Variants in NREP observed in about 807,000 individuals in gnomAD.
NREP encodes the protein neuronal regeneration related protein.
In NREP, 5 loss-of-function variants were observed where a neutral mutation model predicts 8.6. The observed-to-expected ratio is 0.58, with a 90% confidence interval of 0.30 to 1.22. The LOEUF (loss-of-function observed/expected upper bound fraction) is 1.22, where lower values mean the gene tolerates loss of function less well. Ranked by LOEUF, NREP falls within the 50% of genes most tolerant of loss-of-function variation. The probability of loss-of-function intolerance (pLI) is 0.07; values close to 1 mark genes in which losing one functional copy is unlikely to be tolerated. For missense variants in NREP, 86 were observed against 82.5 expected (o/e 1.04, Z -0.17); for synonymous variants, 27 against 28.0 (o/e 0.96, Z 0.11).
chr5:111,817,804 C>CAAA (rs145517030), intron 2 of NREP, among the ~76,000 whole-genome samples: 570 of 56,334 alleles, frequency 0.01, 13 homozygotes, highest in African/African-American at 0.034. Context: ...GACTTCATCT[C>CAAA]AAAAAAAAAA....
intron 2 of NREP, among the ~76,000 whole-genome samples, chr5:111,941,993 A>G (rs747982645): frequency 6.6e-6 from 1 of 152,076 alleles, no homozygotes. Context: ...TAAATTCAGT[A>G]CAACATTTTG....
chr5:111,845,667 T>A (rs892921937), intron 2 of NREP, among the ~76,000 whole-genome samples: 1 of 152,166 alleles, frequency 6.6e-6, no homozygotes, highest in African/African-American at 2.4e-5. Context: ...ATTTAAATGT[T>A]GATAAGCTGT....
intron 2 of NREP, among the ~76,000 whole-genome samples, chr5:111,879,103 T>C (rs944364594): frequency 5.3e-5 from 8 of 152,174 alleles, no homozygotes; most frequent in African/African-American, 1.9e-4. Context: ...TGAAAGCTGG[T>C]TGTTTAAAGA....
intron 3 of NREP, chr5:111,734,856 T>C (rs1052470665): frequency 2.1e-6 from 1 of 466,684 alleles, no homozygotes; most frequent in African/African-American, 2.0e-5. Flanking sequence ...GGTAAGTAGT[T>C]GTTATTGTTT....
chr5:111,806,705 C>CT (rs1752152375), intron 2 of NREP, among the ~76,000 whole-genome samples: 1 of 151,372 alleles, frequency 6.6e-6, no homozygotes, highest in Non-Finnish European at 1.5e-5. Flanking sequence ...TGGTGCCAAT[C>CT]TAAGTTTCTT....
intron 2 of NREP, among the ~76,000 whole-genome samples, chr5:111,891,139 A>G (rs958513329): frequency 6.6e-6 from 1 of 152,202 alleles, no homozygotes; most frequent in Non-Finnish European, 1.5e-5. Context: ...CAGTCGTGCC[A>G]TGTCTAGAAC....
intron 2 of NREP, among the ~76,000 whole-genome samples, chr5:111,831,722 TC>T (rs1752772509): frequency 6.6e-6 from 1 of 152,176 alleles, no homozygotes; most frequent in South Asian, 2.1e-4. Context: ...ATTATCCAGA[TC>T]TGTTTTAAAA....
chr5:111,880,345 C>A (rs1280298815), intron 2 of NREP, among the ~76,000 whole-genome samples: 1 of 152,210 alleles, frequency 6.6e-6, no homozygotes, highest in Admixed American at 6.5e-5. Flanking sequence ...AGAAATACCA[C>A]AGACGAGGTG....
chr5:111,960,025 A>G (rs1561369426), intron 2 of NREP, among the ~76,000 whole-genome samples: 1 of 152,130 alleles, frequency 6.6e-6, no homozygotes, highest in Admixed American at 6.5e-5. Context: ...TACTAGCCCA[A>G]ATGAAGAAAT....
At chr5:111,950,690 A>C in intron 2 of NREP, among the ~76,000 whole-genome samples, 1 of 145,854 alleles carries the variant, frequency 6.9e-6, no homozygotes, top group Admixed American at 6.6e-5. Flanking sequence ...GACTTAAACA[A>C]ATTTACAAGA....
At chr5:111,831,454 C>T (rs1350548771) in intron 2 of NREP, among the ~76,000 whole-genome samples, 1 of 152,160 alleles carries the variant, frequency 6.6e-6, no homozygotes, top group Non-Finnish European at 1.5e-5. Context: ...AAAAGCCACT[C>T]AACAATGGGC....
In NREP at chr5:111,730,896, T is replaced by C; in HGVS notation, c.*25A>G. Reference sequence around the variant, plus strand: ...ACCTCATCAATACCCATACACCATATGTAATACAAATGGAGGTGTTACGAT... The same window carrying C: ...ACCTCATCAATACCCATACACCATACGTAATACAAATGGAGGTGTTACGAT... On this transcript the variant is annotated 3_prime_UTR_variant, in exon 4 of 4. Coordinates refer to ENST00000257435, the MANE Select transcript of NREP (RefSeq NM_004772.4). 3 of 1,613,462 alleles carry C rather than the reference T, an allele frequency of 1.9e-6. No homozygotes were observed. The highest frequency in any genetic ancestry group is 1.1e-5 in the South Asian group (1 of 91,066).
At chr5:111,757,896 C>A, upstream of NREP, 1 of 985,108 alleles carries the variant, frequency 1.0e-6, no homozygotes, top group East Asian at 1.1e-4. Flanking sequence ...CCCGGCGGCC[C>A]GCCAGGGCCG....
At chr5:111,946,089 CACACACACACACAT>C (rs935843485) in intron 2 of NREP, among the ~76,000 whole-genome samples, 3 of 126,434 alleles carry the variant, frequency 2.4e-5, no homozygotes, top group Admixed American at 1.7e-4. Flanking sequence ...CACACACACA[CACACACACACACAT>C]AAGAAAATAA....
intron 2 of NREP, among the ~76,000 whole-genome samples, chr5:111,785,060 T>C (rs1487383852): frequency 6.6e-6 from 1 of 152,126 alleles, no homozygotes; most frequent in Non-Finnish European, 1.5e-5. Context: ...AAGATGTGTA[T>C]GAACTGCAGC....
intron 2 of NREP, among the ~76,000 whole-genome samples, chr5:111,857,723 T>C (rs1753456514): frequency 6.6e-6 from 1 of 152,194 alleles, no homozygotes; most frequent in Admixed American, 6.5e-5. Context: ...TGTTCACTGC[T>C]AGATCCCTAG....
intron 1 of NREP, among the ~76,000 whole-genome samples, chr5:111,756,825 A>C (rs2112855070): frequency 6.6e-6 from 1 of 152,354 alleles, no homozygotes; most frequent in East Asian, 1.9e-4. Context: ...AGTTTCTAAC[A>C]AGGCTTTAGG....
chr5:111,884,499 A>C (rs1250508398), intron 2 of NREP, among the ~76,000 whole-genome samples: 1 of 152,184 alleles, frequency 6.6e-6, no homozygotes, highest in African/African-American at 2.4e-5. Context: ...CCTGATACCA[A>C]AGCCAGGCAG....
chr5:111,764,231 T>C (rs964218580), intron 2 of NREP, among the ~76,000 whole-genome samples: 1 of 152,136 alleles, frequency 6.6e-6, no homozygotes, highest in Non-Finnish European at 1.5e-5. Context: ...TGACCACTAG[T>C]TGTGAAGTTG....
Sources: gnomAD v4.1 joint callset for allele counts (sites outside exome capture counted in the v4.1 genomes callset) on GRCh38, gnomAD v4.1.1 for gene constraint, MANE v1.5 for transcripts, NCBI Gene and HGNC (gene_info 2026-07-23, HGNC 2026-07-21) for gene names.